SLC2A13: variants seen among roughly 807,000 people sequenced by gnomAD.
SLC2A13 encodes solute carrier family 2 member 13.
A neutral mutation model predicts 64.4 loss-of-function variants in SLC2A13; 32 were observed. The ratio of observed to expected loss-of-function variants is 0.50; its 90% confidence interval spans 0.37 to 0.67. SLC2A13 has a LOEUF of 0.67. Among genes scored for constraint, SLC2A13 ranks in the 30% least tolerant of loss-of-function variants. The pLI is 0.00. For missense variants in SLC2A13, 743 were observed against 829.2 expected (o/e 0.90, Z 1.28); for synonymous variants, 338 against 327.1 (o/e 1.03, Z -0.36).
At chr12:39,856,968 TGTCACA>T (rs1384115967) in intron 6 of SLC2A13, among the ~76,000 whole-genome samples, 1 of 152,238 alleles carries the variant, frequency 6.6e-6, no homozygotes, top group East Asian at 1.9e-4. Flanking sequence ...AGTCAATTGC[TGTCACA>T]GTCCTGGATA....
chr12:39,790,291 A>G (rs1440157541), intron 7 of SLC2A13, among the ~76,000 whole-genome samples: 3 of 151,096 alleles, frequency 2.0e-5, no homozygotes, highest in African/African-American at 7.3e-5. Context: ...ACATATGTAT[A>G]CATGTGCTGT....
At chr12:40,090,039 T>G (rs1015088102) in intron 1 of SLC2A13, among the ~76,000 whole-genome samples, 1 of 152,208 alleles carries the variant, frequency 6.6e-6, no homozygotes, top group African/African-American at 2.4e-5. Flanking sequence ...AAGTTTATTT[T>G]GCTCACTTAT....
chr12:40,013,062 G>C (rs1179966731), intron 3 of SLC2A13, among the ~76,000 whole-genome samples: 1 of 152,110 alleles, frequency 6.6e-6, no homozygotes, highest in Admixed American at 6.6e-5. Context: ...TGCAGTAGCA[G>C]CTACAGTAAA....
At chr12:39,849,800 A>G (rs1943417471) in intron 6 of SLC2A13, among the ~76,000 whole-genome samples, 1 of 152,046 alleles carries the variant, frequency 6.6e-6, no homozygotes, top group Non-Finnish European at 1.5e-5. Context: ...TTAATATTTC[A>G]AGGTCATAAA....
chr12:40,021,813 T>G (rs1333732671), intron 3 of SLC2A13, among the ~76,000 whole-genome samples: 1 of 152,224 alleles, frequency 6.6e-6, no homozygotes, highest in Non-Finnish European at 1.5e-5. Context: ...GTGCAGCAGA[T>G]GTCAATTGCA....
In SLC2A13 at chr12:39,949,350, G is replaced by A. The variant is rs368694079; in HGVS notation, c.1034+1907C>T. On this transcript the variant is annotated intron_variant, in intron 4 of 9. Transcript: ENST00000280871. ...TTTATTCTTCCTGTTTTCCAGGATT[G>A]ATAATCAAATGCAAACAAAAGCTCT... 5 of 152,164 alleles carry A rather than the reference G, an allele frequency of 3.3e-5. No homozygotes were observed. In the East Asian group the frequency reaches 7.7e-4, roughly 23 times the overall value. The allele number at this position is 152,164 out of a possible 1,614,324, so 9.4% of individuals were successfully genotyped here.
At chr12:39,896,466 A>T (rs148662243) in intron 4 of SLC2A13, among the ~76,000 whole-genome samples, 1 of 144,108 alleles carries the variant, frequency 6.9e-6, no homozygotes, top group Admixed American at 7.3e-5. Flanking sequence ...ATATATGTAT[A>T]CATATATGTA....
At chr12:39,980,701 T>G (rs1946876073) in intron 3 of SLC2A13, among the ~76,000 whole-genome samples, 1 of 151,844 alleles carries the variant, frequency 6.6e-6, no homozygotes, top group Non-Finnish European at 1.5e-5. Context: ...ACAAAGAGAC[T>G]TAGACTCCCA....
chr12:39,830,378 G>A lies in SLC2A13; in HGVS notation c.1320-150C>T, dbSNP rs146729184. On this transcript the variant is annotated intron_variant, in intron 6 of 9. Transcript: ENST00000280871. ...GTTTTGGCCAAGGAAAGTGACATGC[G>A]CTGAGCCAGGTGAGAGCTGGCTGGT... 9.9e-3 allele frequency: 13,947 copies of A among 1,408,286 alleles called. 94 individuals are homozygous for A. The highest frequency in any genetic ancestry group is 0.012 in the Non-Finnish European group (12,851 of 1,082,070). 87.2% of individuals were successfully genotyped at this position (1,408,286 alleles called of 1,614,324 possible).
chr12:40,012,139 G>C (rs554263353), intron 3 of SLC2A13, among the ~76,000 whole-genome samples: 1 of 152,068 alleles, frequency 6.6e-6, no homozygotes, highest in Non-Finnish European at 1.5e-5. Context: ...AAGAAATATT[G>C]TACATAATAG....
At chr12:40,010,188 C>G (rs1947504009) in intron 3 of SLC2A13, among the ~76,000 whole-genome samples, 1 of 152,180 alleles carries the variant, frequency 6.6e-6, no homozygotes, top group African/African-American at 2.4e-5. Flanking sequence ...AAATGAATAT[C>G]TTCTTAACAT....
intron 3 of SLC2A13, among the ~76,000 whole-genome samples, chr12:39,964,343 A>G (rs1946468114): frequency 6.6e-6 from 1 of 152,228 alleles, no homozygotes; most frequent in Non-Finnish European, 1.5e-5. Flanking sequence ...TCTATAAAAA[A>G]GGGTAGTGCT....
At chr12:40,085,166 CA>C (rs1481177147) in intron 1 of SLC2A13, among the ~76,000 whole-genome samples, 1 of 152,216 alleles carries the variant, frequency 6.6e-6, no homozygotes, top group Non-Finnish European at 1.5e-5. Flanking sequence ...TCCACAGGGA[CA>C]AAATCTCCTG....
At chr12:39,985,519 A>G (rs1947015671) in intron 3 of SLC2A13, among the ~76,000 whole-genome samples, 1 of 152,140 alleles carries the variant, frequency 6.6e-6, no homozygotes, top group Non-Finnish European at 1.5e-5. Flanking sequence ...GAAAGGTATA[A>G]AAGTGTTCCA....
rs537798277 is a variant in SLC2A13, at chr12:39,984,771, C to T, written c.926-33406G>A. ...TTGATGAAAAATGGAGAATATCCTACAGGGATTCAGATATTTTTGTCAACA... is the reference window on the plus strand; with the variant it reads ...TTGATGAAAAATGGAGAATATCCTATAGGGATTCAGATATTTTTGTCAACA... On this transcript the variant is annotated intron_variant, in intron 3 of 9. Coordinates refer to ENST00000280871, the MANE Select transcript of SLC2A13 (RefSeq NM_052885.4). Among the ~76,000 whole-genome samples the T allele has an allele frequency of 7.2e-5, 11 of 152,180 alleles. No individual in the cohort carries two copies. The East Asian group carries it at 1.5e-3, about 21-fold the overall frequency.
intron 6 of SLC2A13, among the ~76,000 whole-genome samples, chr12:39,842,429 T>C (rs1943200843): frequency 6.6e-6 from 1 of 152,056 alleles, no homozygotes; most frequent in Admixed American, 6.6e-5. Context: ...TGTTGAAATG[T>C]AAAGTTATGC....
chr12:40,021,347 C>T (rs893671056), intron 3 of SLC2A13, among the ~76,000 whole-genome samples: 2 of 152,066 alleles, frequency 1.3e-5, no homozygotes, highest in East Asian at 3.8e-4. Flanking sequence ...TTTAGAAAAT[C>T]GACGACAACC....
chr12:39,858,534 A>G (rs1311035635), intron 6 of SLC2A13, among the ~76,000 whole-genome samples: 1 of 152,196 alleles, frequency 6.6e-6, no homozygotes, highest in Non-Finnish European at 1.5e-5. Flanking sequence ...TGAATTACTG[A>G]TGCTAAACAC....
chr12:40,092,213 G>A (rs1269555515), intron 1 of SLC2A13, among the ~76,000 whole-genome samples: 7 of 152,190 alleles, frequency 4.6e-5, no homozygotes, highest in African/African-American at 1.7e-4. Flanking sequence ...TGTGGCTCAA[G>A]CCAAGTCTTC....
Sources: allele counts gnomAD v4.1 joint callset (sites outside exome capture counted in the v4.1 genomes callset), GRCh38; gene constraint gnomAD v4.1.1; transcripts MANE v1.5; gene names NCBI Gene and HGNC (gene_info 2026-07-23, HGNC 2026-07-21).